Variants in CTNNA3 observed in about 807,000 individuals in gnomAD.
The protein encoded by CTNNA3 is catenin alpha-3.
Under a neutral mutation model 95.7 loss-of-function variants are expected in CTNNA3, and 76 were observed. The observed-to-expected ratio is 0.79, with a 90% CI of 0.66 to 0.96. The LOEUF is 0.96. CTNNA3 is among the 40% of genes least tolerant of loss of function. The probability of loss-of-function intolerance (pLI) is 0.00; values close to 1 mark genes in which losing one functional copy is unlikely to be tolerated. For synonymous variants in CTNNA3, 431 were observed against 374.4 expected (o/e 1.15, Z -1.74); for missense variants, 1,191 against 1,089.8 (o/e 1.09, Z -1.31).
intron 9 of CTNNA3, among the ~76,000 whole-genome samples, chr10:66,647,341 C>T (rs1845740873): frequency 6.6e-6 from 1 of 151,980 alleles, no homozygotes; most frequent in East Asian, 1.9e-4. Flanking sequence ...AATCAAAATA[C>T]AGGAAAGTAA....
intron 5 of CTNNA3, among the ~76,000 whole-genome samples, chr10:67,513,806 A>T (rs969077993): frequency 6.6e-6 from 1 of 152,160 alleles, no homozygotes; most frequent in Non-Finnish European, 1.5e-5. Context: ...AGCTTTTCAA[A>T]CAGGAAAAGA....
intron 1 of CTNNA3, among the ~76,000 whole-genome samples, chr10:67,741,686 G>A (rs1841340337): frequency 6.6e-6 from 1 of 151,202 alleles, no homozygotes; most frequent in African/African-American, 2.4e-5. Context: ...TGGGCTAAAT[G>A]CTCCAATTAA....
chr10:67,458,310 T>C lies in CTNNA3; in HGVS notation c.579+63532A>G, dbSNP rs144251809. Among the ~76,000 whole-genome samples the C allele has an allele frequency of 4.2e-4, 64 of 152,158 alleles. No individual in the cohort carries two copies. In the East Asian group the frequency reaches 0.01, roughly 24 times the overall value. ...TTAGAATCAAAAGACACATAATAAA[T>C]GCTCTATTCCAATCACTTCATTTTA... On this transcript the variant is annotated intron_variant, in intron 5 of 17. Coordinates refer to ENST00000433211, the MANE Select transcript of CTNNA3 (RefSeq NM_013266.4).
At chr10:67,035,396 A>G (rs1217950227) in intron 7 of CTNNA3, among the ~76,000 whole-genome samples, 1 of 152,188 alleles carries the variant, frequency 6.6e-6, no homozygotes, top group Non-Finnish European at 1.5e-5. Context: ...ATGACTTTAT[A>G]TTTATATGCG....
At chr10:67,141,832 T>C (rs182205617) in intron 7 of CTNNA3, among the ~76,000 whole-genome samples, 39 of 152,276 alleles carry the variant, frequency 2.6e-4, no homozygotes, top group African/African-American at 7.9e-4. Context: ...TTTTATATAT[T>C]CTAAAATATA....
chr10:67,311,605 C>T (rs950845576), intron 5 of CTNNA3, among the ~76,000 whole-genome samples: 30 of 151,996 alleles, frequency 2.0e-4, no homozygotes, highest in African/African-American at 7.0e-4. Context: ...AAAATGGGTG[C>T]ATTTTATTGT....
intron 5 of CTNNA3, among the ~76,000 whole-genome samples, chr10:67,520,424 C>T (rs574278195): frequency 6.6e-6 from 1 of 152,170 alleles, no homozygotes; most frequent in East Asian, 1.9e-4. Context: ...GTGACTACTG[C>T]CTGCCAGCTC....
intron 15 of CTNNA3, among the ~76,000 whole-genome samples, chr10:66,011,752 G>A (rs186128838): frequency 5.9e-5 from 9 of 152,116 alleles, no homozygotes; most frequent in African/African-American, 1.4e-4. Flanking sequence ...GCCAAAAATC[G>A]ACACACAGCA....
At chr10:66,699,422 G>A (rs1847870336) in intron 9 of CTNNA3, among the ~76,000 whole-genome samples, 1 of 151,476 alleles carries the variant, frequency 6.6e-6, no homozygotes, top group South Asian at 2.1e-4. Flanking sequence ...TTAAATAACA[G>A]CCATCTTAAT....
At chr10:66,631,627 A>G (rs1038633464) in intron 9 of CTNNA3, among the ~76,000 whole-genome samples, 4 of 152,166 alleles carry the variant, frequency 2.6e-5, no homozygotes, top group African/African-American at 9.7e-5. Context: ...AGGAAGAATA[A>G]TTCTTAATCT....
chr10:66,928,396 C>G (rs1344694012), intron 7 of CTNNA3: 2 of 1,613,958 alleles, frequency 1.2e-6, no homozygotes, highest in Non-Finnish European at 1.7e-6. Context: ...CAGCGAGATG[C>G]TGCTGAATGG....
At chr10:67,622,026 G>A (rs528103382) in intron 2 of CTNNA3, among the ~76,000 whole-genome samples, 15 of 152,128 alleles carry the variant, frequency 9.9e-5, no homozygotes, top group Non-Finnish European at 2.2e-4. Context: ...GTAAAAGTTT[G>A]CCAACCACTG....
intron 11 of CTNNA3, among the ~76,000 whole-genome samples, chr10:66,443,148 A>AAGCAGCGGGG (rs2093388498): frequency 6.6e-6 from 1 of 152,112 alleles, no homozygotes; most frequent in South Asian, 2.1e-4. Context: ...TAGGTAAACA[A>AAGCAGCGGGG]AGCAGCGGGG....
At chr10:66,442,787 T>A (rs1198978391) in intron 11 of CTNNA3, among the ~76,000 whole-genome samples, 2 of 152,140 alleles carry the variant, frequency 1.3e-5, no homozygotes, top group Non-Finnish European at 2.9e-5. Context: ...TTCATCTCAC[T>A]AGGGAGTGCC....
At chr10:67,291,395 C>A (rs528088284) in intron 5 of CTNNA3, among the ~76,000 whole-genome samples, 3 of 152,162 alleles carry the variant, frequency 2.0e-5, no homozygotes, top group Non-Finnish European at 4.4e-5. Flanking sequence ...GATGAATGAT[C>A]TATCCTGGTC....
At chr10:67,325,551 T>C (rs1841505018) in intron 5 of CTNNA3, among the ~76,000 whole-genome samples, 2 of 152,204 alleles carry the variant, frequency 1.3e-5, no homozygotes, top group Non-Finnish European at 2.9e-5. Flanking sequence ...TGAGTGAATT[T>C]GTTAGTCTTG....
rs576513788 is a variant in CTNNA3, at chr10:66,324,549, T to C, written c.1733-43928A>G. On this transcript the variant is annotated intron_variant, in intron 12 of 17. Transcript: ENST00000433211. ...CACTGGGGTTGCAGGCACCCACCCC[T>C]AGACACTACCACAGGGCCAGAGCCC... Among the ~76,000 whole-genome samples, 866 of 152,182 alleles carry C rather than the reference T, an allele frequency of 5.7e-3. 13 individuals are homozygous for C. Among genetic ancestry groups the C allele is most frequent in the African/African-American group, 0.02 (835 of 41,546 alleles).
intron 12 of CTNNA3, among the ~76,000 whole-genome samples, chr10:66,338,306 T>C (rs2092418106): frequency 6.6e-6 from 1 of 151,950 alleles, no homozygotes; most frequent in Non-Finnish European, 1.5e-5. Flanking sequence ...GTCGGAAGGA[T>C]TAATAGCAAA....
chr10:66,590,548 T>C (rs550222514), intron 10 of CTNNA3, among the ~76,000 whole-genome samples: 1 of 152,184 alleles, frequency 6.6e-6, no homozygotes, highest in East Asian at 1.9e-4. Flanking sequence ...AAAAGTGAAT[T>C]AGGAAAATAT....
Sources: gnomAD v4.1 joint callset for allele counts (sites outside exome capture counted in the v4.1 genomes callset) on GRCh38, gnomAD v4.1.1 for gene constraint, MANE v1.5 for transcripts, NCBI Gene and HGNC (gene_info 2026-07-23, HGNC 2026-07-21) for gene names.